GPC5: variants seen among roughly 807,000 people sequenced by gnomAD.
GPC5 encodes glypican 5, also known as glypican-5.
GPC5 carries 47 observed loss-of-function variants against 53.9 expected under a neutral mutation model. That is an observed-to-expected ratio of 0.87 (90% CI 0.69 to 1.11). GPC5 has a LOEUF of 1.11. Among genes scored for constraint, GPC5 ranks in the 50% most tolerant of loss-of-function variants. The pLI is 0.00. For missense variants in GPC5, 748 were observed against 713.1 expected, an observed-to-expected ratio of 1.05 and a Z score of -0.56; for synonymous variants, 286 against 263.3, an observed-to-expected ratio of 1.09 and a Z score of -0.84.
intron 7 of GPC5, among the ~76,000 whole-genome samples, chr13:92,342,483 C>T (rs2139250952): frequency 6.6e-6 from 1 of 152,120 alleles, no homozygotes; most frequent in Admixed American, 6.6e-5. Flanking sequence ...GATTAGTGTC[C>T]TTATCAAAAA....
At chr13:91,662,124 A>C (rs534303110) in intron 2 of GPC5, among the ~76,000 whole-genome samples, 1 of 152,246 alleles carries the variant, frequency 6.6e-6, no homozygotes, top group East Asian at 1.9e-4. Flanking sequence ...GAAGAAGAGA[A>C]CTGAGGCAGG....
intron 7 of GPC5, among the ~76,000 whole-genome samples, chr13:92,168,632 A>G (rs536245798): frequency 2.4e-4 from 36 of 152,340 alleles, no homozygotes; most frequent in Non-Finnish European, 4.3e-4. Context: ...CCACAACGAG[A>G]TACCATCTCA....
At chr13:92,602,801 A>G (rs370899829) in intron 7 of GPC5, among the ~76,000 whole-genome samples, 2 of 152,176 alleles carry the variant, frequency 1.3e-5, no homozygotes, top group South Asian at 4.1e-4. Context: ...TTGATGACTC[A>G]CTAAAAAGAC....
chr13:92,770,449 G>T (rs1404574116), intron 7 of GPC5, among the ~76,000 whole-genome samples: 2 of 147,566 alleles, frequency 1.4e-5, no homozygotes. Flanking sequence ...CCAAAAACAT[G>T]CTTACAACCA....
chr13:92,381,287 G>C (rs2043736831), intron 7 of GPC5, among the ~76,000 whole-genome samples: 1 of 152,084 alleles, frequency 6.6e-6, no homozygotes, highest in African/African-American at 2.4e-5. Context: ...AACTACATTT[G>C]TTCTCAGGTG....
intron 2 of GPC5, among the ~76,000 whole-genome samples, chr13:91,606,229 T>A (rs1384113781): frequency 1.3e-5 from 2 of 151,742 alleles, no homozygotes; most frequent in Non-Finnish European, 2.9e-5. Context: ...GTTTTTGTCT[T>A]TGGTTCTGTT....
intron 2 of GPC5, among the ~76,000 whole-genome samples, chr13:91,521,670 T>C (rs150360140): frequency 6.6e-6 from 1 of 152,222 alleles, no homozygotes; most frequent in African/African-American, 2.4e-5. Flanking sequence ...TGCGATGAAA[T>C]GTGTGAGAGT....
At chr13:92,162,926 A>G (rs1303310995) in intron 7 of GPC5, among the ~76,000 whole-genome samples, 1 of 152,122 alleles carries the variant, frequency 6.6e-6, no homozygotes, top group Non-Finnish European at 1.5e-5. Context: ...TATTATACAT[A>G]ATATATATAA....
intron 7 of GPC5, among the ~76,000 whole-genome samples, chr13:92,600,261 T>C (rs1415577843): frequency 6.6e-6 from 1 of 152,212 alleles, no homozygotes; most frequent in East Asian, 1.9e-4. Flanking sequence ...TATTTGAATA[T>C]ATTTCATCAT....
chr13:92,284,374 T>A (rs1161369372), intron 7 of GPC5, among the ~76,000 whole-genome samples: 6 of 152,120 alleles, frequency 3.9e-5, no homozygotes, highest in Non-Finnish European at 7.4e-5. Flanking sequence ...GAGGGAATCT[T>A]CCCTAACTCA....
rs574009333 is a variant in GPC5, at chr13:92,527,761, G to A, written c.1562-338521G>A. On this transcript the variant is annotated intron_variant, in intron 7 of 7. Coordinates refer to ENST00000377067, the MANE Select transcript of GPC5 (RefSeq NM_004466.6). ...GCCTTTAAATGCATTACTTTCATGA[G>A]CTTAAATACTAAATTTTTCTTAACT... 1.1e-4 allele frequency among the ~76,000 whole-genome samples: 16 copies of A among 152,146 alleles called. No individual in the cohort carries two copies. In the South Asian group the frequency reaches 3.1e-3, roughly 30 times the overall value.
chr13:91,715,770 GTCTCTCTCTCTCTCTC>G (rs55859912), intron 3 of GPC5, among the ~76,000 whole-genome samples: 9 of 132,818 alleles, frequency 6.8e-5, no homozygotes, highest in Non-Finnish European at 1.4e-4. Context: ...TTAAGATAGG[GTCTCTCTCTCTCTCTC>G]TCTCTCTCTC....
intron 7 of GPC5, among the ~76,000 whole-genome samples, chr13:92,438,251 C>A (rs1427501049): frequency 1.3e-5 from 2 of 151,774 alleles, no homozygotes; most frequent in African/African-American, 4.8e-5. Context: ...GAGAACCAAC[C>A]CAATCTACAA....
intron 2 of GPC5, among the ~76,000 whole-genome samples, chr13:91,637,336 G>T (rs2034309636): frequency 6.6e-6 from 1 of 152,200 alleles, no homozygotes; most frequent in Admixed American, 6.5e-5. Context: ...TCCCCTAAAA[G>T]AGTGAGGGAT....
intron 2 of GPC5, among the ~76,000 whole-genome samples, chr13:91,625,608 A>G (rs1451890242): frequency 6.6e-6 from 1 of 152,064 alleles, no homozygotes; most frequent in Non-Finnish European, 1.5e-5. Flanking sequence ...TTTAAAATTT[A>G]CACAGCCTTC....
At chr13:91,831,788 C>T (rs2038662976) in intron 5 of GPC5, among the ~76,000 whole-genome samples, 2 of 151,894 alleles carry the variant, frequency 1.3e-5, no homozygotes, top group Admixed American at 6.6e-5. Flanking sequence ...TTTCTTAATC[C>T]TGAGTTCTAA....
intron 7 of GPC5, among the ~76,000 whole-genome samples, chr13:92,176,091 T>C (rs2042107622): frequency 6.6e-6 from 1 of 152,226 alleles, no homozygotes; most frequent in Admixed American, 6.5e-5. Flanking sequence ...CAAATTTTAA[T>C]GTGCATCAGA....
intron 2 of GPC5, among the ~76,000 whole-genome samples, chr13:91,652,408 T>A (rs1335423456): frequency 2.0e-5 from 3 of 152,210 alleles, no homozygotes; most frequent in Non-Finnish European, 4.4e-5. Flanking sequence ...TTAAAGGAAG[T>A]ACTTTATGGC....
chr13:92,217,290 C>T (rs1453755038), intron 7 of GPC5, among the ~76,000 whole-genome samples: 1 of 152,184 alleles, frequency 6.6e-6, no homozygotes, highest in African/African-American at 2.4e-5. Context: ...GACTCCTAAG[C>T]CTTCTCCTAA....
Sources: gnomAD v4.1 joint callset for allele counts (sites outside exome capture counted in the v4.1 genomes callset) on GRCh38, gnomAD v4.1.1 for gene constraint, MANE v1.5 for transcripts, NCBI Gene and HGNC (gene_info 2026-07-23, HGNC 2026-07-21) for gene names.